Variants in AMPH observed in about 807,000 individuals in gnomAD.
AMPH encodes the protein amphiphysin (Stiff-Mann syndrome with breast cancer 128kD autoantigen).
In AMPH, 49 loss-of-function variants were observed where a neutral mutation model predicts 99.1. That is an observed-to-expected ratio of 0.49 (90% CI 0.39 to 0.63). The LOEUF (loss-of-function observed/expected upper bound fraction) is 0.63, where lower values mean the gene tolerates loss of function less well. Among genes scored for constraint, AMPH ranks in the 20% least tolerant of loss-of-function variants. The pLI is 0.00. For synonymous variants in AMPH, 314 were observed against 317.3 expected, an observed-to-expected ratio of 0.99 and a Z score of 0.11; for missense variants, 759 against 863.4, an observed-to-expected ratio of 0.88 and a Z score of 1.52.
chr7:38,535,325 C>T (rs1357521740), intron 1 of AMPH, among the ~76,000 whole-genome samples: 2 of 152,248 alleles, frequency 1.3e-5, no homozygotes, highest in Non-Finnish European at 2.9e-5. Context: ...AGAAGCTATG[C>T]CTTATTTGTC....
intron 11 of AMPH, among the ~76,000 whole-genome samples, chr7:38,439,395 T>A (rs73692332): frequency 0.057 from 8,717 of 152,242 alleles, 642 homozygotes; most frequent in East Asian, 0.35. Flanking sequence ...TTTGCCCTCT[T>A]AATCTTGAGA....
chr7:38,447,819 G>GT, intron 11 of AMPH, among the ~76,000 whole-genome samples: 1 of 151,606 alleles, frequency 6.6e-6, no homozygotes. Flanking sequence ...CAGTATTATA[G>GT]TAAGCCAGAT....
At chr7:38,492,011 A>G (rs908357131) in intron 4 of AMPH, among the ~76,000 whole-genome samples, 1 of 152,182 alleles carries the variant, frequency 6.6e-6, no homozygotes, top group Non-Finnish European at 1.5e-5. Context: ...TTTCAGGCAA[A>G]TAGCAGGTAC....
At chr7:38,578,151 A>G (rs865865681) in intron 1 of AMPH, among the ~76,000 whole-genome samples, 21 of 152,186 alleles carry the variant, frequency 1.4e-4, no homozygotes, top group Non-Finnish European at 8.8e-5. Flanking sequence ...CCACCACTGC[A>G]AAGTCAGAAA....
chr7:38,465,556 G>A lies in AMPH; in HGVS notation c.667-7C>T. ...CATACAGTTTGTGGCAAAGCTAAGG[G>A]GACAGAGGCCACTTGTCTATTAGTC... On this transcript the variant is annotated splice_region_variant and splice_polypyrimidine_tract_variant and intron_variant, in intron 8 of 20. Transcript: ENST00000356264. 1 of 1,573,304 alleles carries A rather than the reference G, an allele frequency of 6.4e-7. No individual in the cohort carries two copies. Among genetic ancestry groups the A allele is most frequent in the Non-Finnish European group, 8.6e-7 (1 of 1,157,282 alleles).
chr7:38,483,724 T>C (rs140542246), intron 5 of AMPH, among the ~76,000 whole-genome samples: 1 of 152,218 alleles, frequency 6.6e-6, no homozygotes, highest in East Asian at 1.9e-4. Flanking sequence ...TTGTCTAATA[T>C]GAAGATATCA....
chr7:38,426,113 C>A (rs540264051), intron 15 of AMPH, among the ~76,000 whole-genome samples: 29 of 152,210 alleles, frequency 1.9e-4, no homozygotes, highest in African/African-American at 6.7e-4. Context: ...ATACAGAATT[C>A]TATTTATGAA....
intron 17 of AMPH, among the ~76,000 whole-genome samples, chr7:38,395,923 C>A (rs1021201329): frequency 6.6e-6 from 1 of 152,040 alleles, no homozygotes; most frequent in African/African-American, 2.4e-5. Context: ...AATAAAAATG[C>A]CTGTTACAGA....
intron 1 of AMPH, among the ~76,000 whole-genome samples, chr7:38,575,609 G>A (rs1265923226): frequency 1.3e-5 from 2 of 152,126 alleles, no homozygotes; most frequent in African/African-American, 4.8e-5. Flanking sequence ...CCTTCCTGCT[G>A]TCATGTGAAG....
chr7:38,578,757 G>A (rs561574629), intron 1 of AMPH, among the ~76,000 whole-genome samples: 24 of 152,220 alleles, frequency 1.6e-4, no homozygotes, highest in African/African-American at 5.1e-4. Context: ...TACAGAGTGA[G>A]ACCCTGTTTC....
At chr7:38,440,182 G>A (rs1177630814) in intron 11 of AMPH, among the ~76,000 whole-genome samples, 4 of 152,094 alleles carry the variant, frequency 2.6e-5, no homozygotes, top group African/African-American at 9.7e-5. Context: ...AAAAGAACCA[G>A]AGAAAAGAAG....
At chr7:38,588,506 C>A (rs145055335) in intron 1 of AMPH, among the ~76,000 whole-genome samples, 2,611 of 152,124 alleles carry the variant, frequency 0.017, 35 homozygotes, top group Non-Finnish European at 0.025. Flanking sequence ...AAACAAAGGG[C>A]ACTAAAATTT....
chr7:38,600,597 T>C (rs953850124), intron 1 of AMPH, among the ~76,000 whole-genome samples: 46 of 152,238 alleles, frequency 3.0e-4, no homozygotes, highest in African/African-American at 1.0e-3. Context: ...CATAGGAAAA[T>C]GTCAATCTTT....
intron 20 of AMPH, among the ~76,000 whole-genome samples, chr7:38,388,769 A>T (rs1426926231): frequency 6.6e-6 from 1 of 151,956 alleles, no homozygotes; most frequent in African/African-American, 2.4e-5. Flanking sequence ...CTTTTTGAGT[A>T]GCTAGGACTA....
At chr7:38,490,938 C>A (rs1788695167) in intron 5 of AMPH, 112 bp downstream of exon 5, 7 of 651,730 alleles carry the variant, frequency 1.1e-5, no homozygotes, top group South Asian at 7.3e-5. Flanking sequence ...GAAAAGTTAC[C>A]AACTATCTTT....
At chr7:38,610,192 C>T (rs1421305226) in intron 1 of AMPH, among the ~76,000 whole-genome samples, 2 of 134,532 alleles carry the variant, frequency 1.5e-5, no homozygotes, top group African/African-American at 5.6e-5. Flanking sequence ...GCCAAAATCG[C>T]ACCATTGCAC....
Position 38,486,828 on chromosome 7 carries a change from G to A in AMPH, c.396+4222C>T, listed in dbSNP as rs541831239. 1.7e-4 allele frequency among the ~76,000 whole-genome samples: 26 copies of A among 152,002 alleles called. No homozygotes were observed. In the South Asian group the frequency reaches 1.9e-3, roughly 11 times the overall value. On this transcript the variant is annotated intron_variant, in intron 5 of 20. Transcript: ENST00000356264. ...ATTAATAGAATGAAAGATAAGAATC[G>A]CATAATCCTTTCAGTAGATGTAGAA...
At chr7:38,409,109 C>T (rs1000556959) in intron 17 of AMPH, among the ~76,000 whole-genome samples, 2 of 152,188 alleles carry the variant, frequency 1.3e-5, no homozygotes, top group African/African-American at 4.8e-5. Context: ...TTTGACTCTT[C>T]CACTAATTTG....
At chr7:38,443,090 C>G (rs1162462439) in intron 11 of AMPH, among the ~76,000 whole-genome samples, 1 of 151,928 alleles carries the variant, frequency 6.6e-6, no homozygotes, top group East Asian at 1.9e-4. Flanking sequence ...TATGATGAAC[C>G]ACTGTACTCC....
Sources: gnomAD v4.1 joint callset for allele counts (sites outside exome capture counted in the v4.1 genomes callset) on GRCh38, gnomAD v4.1.1 for gene constraint, MANE v1.5 for transcripts, NCBI Gene and HGNC (gene_info 2026-07-23, HGNC 2026-07-21) for gene names.